CNTN5: variants seen among roughly 807,000 people sequenced by gnomAD.
CNTN5 encodes contactin 5, also known as contactin-5.
CNTN5 carries 77 observed loss-of-function variants against 129.1 expected under a neutral mutation model. That is an observed-to-expected ratio of 0.60 (90% confidence interval 0.50 to 0.72). CNTN5 has a LOEUF of 0.72. CNTN5 is among the 30% of genes least tolerant of loss of function. The pLI, the probability that CNTN5 is intolerant of heterozygous loss-of-function variation, is 0.00. For missense variants in CNTN5, 1,478 were observed against 1,328.8 expected (o/e 1.11, Z -1.75); for synonymous variants, 509 against 465.6 (o/e 1.09, Z -1.20).
chr11:100,313,626 A>C (rs1268431251), intron 21 of CNTN5, among the ~76,000 whole-genome samples: 1 of 152,002 alleles, frequency 6.6e-6, no homozygotes, highest in Non-Finnish European at 1.5e-5. Flanking sequence ...GGCTGAAAAC[A>C]TAGAGATGGC....
intron 3 of CNTN5, among the ~76,000 whole-genome samples, chr11:99,768,036 G>A (rs1565507938): frequency 6.6e-6 from 1 of 152,158 alleles, no homozygotes; most frequent in South Asian, 2.1e-4. Context: ...ATTTATTTAT[G>A]TATTGTCTAT....
chr11:99,436,830 T>G (rs529726523), intron 2 of CNTN5, among the ~76,000 whole-genome samples: 2 of 152,332 alleles, frequency 1.3e-5, no homozygotes, highest in Admixed American at 6.5e-5. Context: ...TCATAAGATC[T>G]CCTTCATACA....
intron 13 of CNTN5, among the ~76,000 whole-genome samples, chr11:100,171,770 C>T (rs1323752722): frequency 2.0e-5 from 3 of 151,462 alleles, no homozygotes; most frequent in Admixed American, 6.6e-5. Context: ...AGTGCAAAGC[C>T]GAATACTTCC....
intron 3 of CNTN5, among the ~76,000 whole-genome samples, chr11:99,734,852 C>CA (rs1250258793): frequency 2.6e-5 from 4 of 152,106 alleles, no homozygotes; most frequent in East Asian, 3.9e-4. Context: ...ACTAAAAATA[C>CA]AAAAAATTAG....
intron 4 of CNTN5, among the ~76,000 whole-genome samples, chr11:99,843,462 C>G (rs1378843572): frequency 1.3e-5 from 2 of 151,956 alleles, no homozygotes; most frequent in Non-Finnish European, 1.5e-5. Context: ...TTTTTTAGCT[C>G]AAATTTCCTG....
intron 13 of CNTN5, among the ~76,000 whole-genome samples, chr11:100,181,864 C>T (rs1173000878): frequency 1.3e-5 from 2 of 151,822 alleles, no homozygotes; most frequent in African/African-American, 4.8e-5. Flanking sequence ...AATTGAAGAC[C>T]TAAATAGATG....
At chr11:99,839,501 C>A (rs779693859) in intron 4 of CNTN5, among the ~76,000 whole-genome samples, 1 of 151,854 alleles carries the variant, frequency 6.6e-6, no homozygotes, top group African/African-American at 2.4e-5. Context: ...ATTGAGAAAC[C>A]GTCAGATTAT....
chr11:99,453,428 A>G (rs750971422), intron 2 of CNTN5, among the ~76,000 whole-genome samples: 1 of 152,214 alleles, frequency 6.6e-6, no homozygotes, highest in Non-Finnish European at 1.5e-5. Context: ...GAGAAAACTC[A>G]TTACCAGATG....
Position 99,257,544 on chromosome 11 carries a change from AT to A in CNTN5, c.-209-67795del, listed in dbSNP as rs1407053383. Among the ~76,000 whole-genome samples, 6 of 152,028 alleles carry A rather than the reference AT, an allele frequency of 3.9e-5. No individual in the cohort carries two copies. In the South Asian group the frequency reaches 1.0e-3, roughly 26 times the overall value. On this transcript the variant is annotated intron_variant, in intron 1 of 24. Coordinates refer to ENST00000524871, the MANE Select transcript of CNTN5 (RefSeq NM_014361.4). ...TAAAGAACATTGTGGATATTCATTGATTTTTTTAATGAAAAAAAGGTGTAAT... is the reference window on the plus strand; with the variant it reads ...TAAAGAACATTGTGGATATTCATTGATTTTTTAATGAAAAAAAGGTGTAAT...
At chr11:99,784,861 G>A (rs1325027726) in intron 3 of CNTN5, among the ~76,000 whole-genome samples, 4 of 138,810 alleles carry the variant, frequency 2.9e-5, no homozygotes, top group East Asian at 2.3e-4. Context: ...GTACAGTGAC[G>A]CGATCTCGAC....
intron 1 of CNTN5, among the ~76,000 whole-genome samples, chr11:99,107,750 T>C (rs7107657): frequency 0.47 from 71,722 of 151,148 alleles, 17,222 homozygotes; most frequent in East Asian, 0.6. Flanking sequence ...GCTAACATGG[T>C]GAAACCCCGT....
chr11:99,268,129 C>T (rs550022011), intron 1 of CNTN5, among the ~76,000 whole-genome samples: 2 of 152,006 alleles, frequency 1.3e-5, no homozygotes, highest in African/African-American at 4.8e-5. Context: ...TCTTTCTGAG[C>T]TCCATTATCT....
chr11:99,426,537 A>T (rs952003250), intron 2 of CNTN5, among the ~76,000 whole-genome samples: 10 of 152,264 alleles, frequency 6.6e-5, no homozygotes, highest in African/African-American at 2.2e-4. Context: ...ATCTTTTACA[A>T]TTTTTTTAAT....
intron 2 of CNTN5, among the ~76,000 whole-genome samples, chr11:99,484,679 A>G (rs987173644): frequency 6.6e-6 from 1 of 152,164 alleles, no homozygotes; most frequent in African/African-American, 2.4e-5. Flanking sequence ...AATGTTGTGT[A>G]TTACACCATA....
At chr11:99,462,133 G>T (rs990570650) in intron 2 of CNTN5, among the ~76,000 whole-genome samples, 1 of 152,194 alleles carries the variant, frequency 6.6e-6, no homozygotes, top group African/African-American at 2.4e-5. Context: ...GACTGGGAAG[G>T]TATAACATAA....
At chr11:99,312,583 T>C (rs1351681589) in intron 1 of CNTN5, among the ~76,000 whole-genome samples, 4 of 152,172 alleles carry the variant, frequency 2.6e-5, no homozygotes, top group Non-Finnish European at 5.9e-5. Context: ...AAATTGGTTC[T>C]ATTCAGTCTC....
chr11:99,307,325 G>T (rs543701665), intron 1 of CNTN5, among the ~76,000 whole-genome samples: 1 of 151,692 alleles, frequency 6.6e-6, no homozygotes, highest in South Asian at 2.1e-4. Flanking sequence ...CTTTCTATTC[G>T]TTGGTAACAA....
At chr11:99,031,606 A>T (rs1863376702) in intron 1 of CNTN5, among the ~76,000 whole-genome samples, 1 of 152,026 alleles carries the variant, frequency 6.6e-6, no homozygotes, top group Non-Finnish European at 1.5e-5. Flanking sequence ...GAAGTCATTA[A>T]ATAAATATTC....
chr11:99,675,910 C>T (rs1400748925), intron 3 of CNTN5, among the ~76,000 whole-genome samples: 5 of 151,962 alleles, frequency 3.3e-5, no homozygotes, highest in Admixed American at 3.3e-4. Flanking sequence ...CTCTCTAGAG[C>T]TGTGTAATAT....
Sources: allele counts gnomAD v4.1 joint callset (sites outside exome capture counted in the v4.1 genomes callset), GRCh38; gene constraint gnomAD v4.1.1; transcripts MANE v1.5; gene names NCBI Gene and HGNC (gene_info 2026-07-23, HGNC 2026-07-21).